CBLIF: variants seen among roughly 807,000 people sequenced by gnomAD.
CBLIF encodes gastric intrinsic factor (vitamin B synthesis).
Under a neutral mutation model 44.9 loss-of-function variants are expected in CBLIF, and 24 were observed. The ratio of observed to expected loss-of-function variants is 0.53; its 90% CI spans 0.39 to 0.75. The LOEUF is 0.75. CBLIF is among the 30% of genes least tolerant of loss of function. The pLI is 0.00. For missense variants in CBLIF, 481 were observed against 513.0 expected, an observed-to-expected ratio of 0.94 and a Z score of 0.60; for synonymous variants, 183 against 190.9, an observed-to-expected ratio of 0.96 and a Z score of 0.34.
intron 7 of CBLIF, among the ~76,000 whole-genome samples, chr11:59,834,240 T>TTTTCTTTC (rs57364350): frequency 4.3e-4 from 49 of 115,238 alleles, no homozygotes; most frequent in African/African-American, 9.4e-4. Context: ...CTTTCTTTCT[T>TTTTCTTTC]TTTCTTTCTT....
chr11:59,841,095 C>T (rs1436903484), intron 5 of CBLIF, 48 bp downstream of exon 5: 4 of 1,383,818 alleles, frequency 2.9e-6, no homozygotes, highest in African/African-American at 2.8e-5. Context: ...TTCTGCAATC[C>T]AGGCTTATTG....
chr11:59,837,390 GGCA>G, intron 5 of CBLIF, 39 bp from the exon 6 acceptor site: 2 of 1,494,122 alleles, frequency 1.3e-6, no homozygotes, highest in Non-Finnish European at 9.3e-7. Context: ...AGAGTAATTA[GGCA>G]TAGCTGAGAG....
At chr11:59,836,087 A>G in intron 6 of CBLIF, 78 bp from the exon 7 acceptor site, 1 of 1,069,918 alleles carries the variant, frequency 9.3e-7, no homozygotes, top group East Asian at 2.4e-5. Context: ...GTTATTGGCA[A>G]CTTACCCCAG....
rs968112929 is a variant in CBLIF, at chr11:59,829,370, C to T, written c.*114G>A. 5 of 729,926 alleles carry T rather than the reference C, an allele frequency of 6.9e-6. No individual in the cohort carries two copies. Among genetic ancestry groups the T allele is most frequent in the Middle Eastern group, 2.5e-4 (1 of 3,982 alleles). The allele number at this position is 729,926 out of a possible 1,614,324, so 45.2% of individuals were successfully genotyped here. On this transcript the variant is annotated 3_prime_UTR_variant, in exon 9 of 9. Coordinates refer to ENST00000257248, the MANE Select transcript of CBLIF (RefSeq NM_005142.3). ...ACATAGTGGTTCTCCATGTTTTTAC[C>T]AGGAATATGGTAGCATCACAGGCAT...
chr11:59,835,621 A>G (rs1378304953), intron 7 of CBLIF, among the ~76,000 whole-genome samples, 187 bp downstream of exon 7: 2 of 152,202 alleles, frequency 1.3e-5, no homozygotes, highest in Non-Finnish European at 2.9e-5. Context: ...AAACTTCATC[A>G]TATGTTGACT....
chr11:59,842,592 G>A lies in CBLIF; in HGVS notation c.371-9C>T, dbSNP rs755329148. 6.2e-7 allele frequency: 1 copy of A among 1,613,240 alleles called. No homozygotes were observed. The highest frequency in any genetic ancestry group is 8.5e-7 in the Non-Finnish European group (1 of 1,179,376). The stretch of plus-strand genomic sequence containing the variant: ...TGCTTCAGCGTTGGGGCCTCCGAAG[G>A]GGATAGAGAACCTTCATCAGACTCA... On this transcript the variant is annotated splice_polypyrimidine_tract_variant and intron_variant, in intron 3 of 8. Transcript: ENST00000257248.
At chr11:59,834,311 T>TCTTCCTTCCTTCCTTCCTTC (rs1214089354) in intron 7 of CBLIF, among the ~76,000 whole-genome samples, 19 of 35,570 alleles carry the variant, frequency 5.3e-4, no homozygotes, top group African/African-American at 1.7e-3. Flanking sequence ...TTTCTTTCTT[T>TCTTCCTTCCTTCCTTCCTTC]CTTCCTTCCT....
intron 4 of CBLIF, among the ~76,000 whole-genome samples, chr11:59,841,943 A>G (rs184706618): frequency 4.6e-5 from 7 of 152,300 alleles, no homozygotes; most frequent in Admixed American, 4.6e-4. Flanking sequence ...TGCTTGCAGA[A>G]CAAAGACGCA....
intron 4 of CBLIF, among the ~76,000 whole-genome samples, chr11:59,841,928 C>A (rs1866535491): frequency 1.3e-5 from 2 of 152,178 alleles, no homozygotes; most frequent in South Asian, 4.2e-4. Context: ...TCACAAGCAG[C>A]CATATGCTTG....
rs371498277 is a variant in CBLIF at position 59,831,871 on chromosome 11, C to G, written c.1074-75G>C. On this transcript the variant is annotated intron_variant, in intron 7 of 8. Coordinates refer to ENST00000257248, the MANE Select transcript of CBLIF (RefSeq NM_005142.3). The stretch of plus-strand genomic sequence containing the variant: ...AAGCGGTAAGATGAAGGGATAGAGA[C>G]AGTCAATTAATTAATTAGTTAATTA... The G allele has an allele frequency of 1.1e-3, 881 of 776,540 alleles. 8 individuals carry two copies. The African/African-American group carries it at 0.013, about 12-fold the overall frequency. The allele number at this position is 776,540 out of a possible 1,614,324, so 48.1% of individuals were successfully genotyped here.
rs764280711 is a variant in CBLIF at position 59,841,134 on chromosome 11, C to T, written c.693+9G>A. On this transcript the variant is annotated intron_variant, in intron 5 of 8. Transcript: ENST00000257248. The stretch of plus-strand genomic sequence containing the variant: ...GGAACCCAACCAAGAGCATCCAGCA[C>T]GTGTTTACCTGCATGGCGAGGCCAG... 8.1e-6 allele frequency: 13 copies of T among 1,601,534 alleles called. No individual in the cohort carries two copies. Among genetic ancestry groups the T allele is most frequent in the Middle Eastern group, 1.7e-4 (1 of 6,034 alleles).
At chr11:59,842,637 AT>A in intron 3 of CBLIF, 54 bp from the exon 4 acceptor site, 1 of 1,574,800 alleles carries the variant, frequency 6.4e-7, no homozygotes, top group South Asian at 1.1e-5. Context: ...CGATGAGGAC[AT>A]TTGCAAAGAA....
intron 4 of CBLIF, 94 bp from the exon 5 acceptor site, chr11:59,841,418 A>C: frequency 1.1e-6 from 1 of 906,806 alleles, no homozygotes; most frequent in Non-Finnish European, 1.8e-6. Context: ...TTCTGGCTCC[A>C]TGATTTTATT....
At chr11:59,841,915 T>C (rs1157034486) in intron 4 of CBLIF, among the ~76,000 whole-genome samples, 2 of 152,132 alleles carry the variant, frequency 1.3e-5, no homozygotes, top group African/African-American at 2.4e-5. Flanking sequence ...GAAAAGCTTC[T>C]ATTCACAAGC....
At chr11:59,839,879 TAG>T (rs1008066846) in intron 5 of CBLIF, among the ~76,000 whole-genome samples, 1 of 147,536 alleles carries the variant, frequency 6.8e-6, no homozygotes, top group Non-Finnish European at 1.5e-5. Flanking sequence ...AGGTTATTTT[TAG>T]AGAGTCACAC....
rs1051439067 is a variant in CBLIF, at chr11:59,845,450, C to G, written c.4G>C (p.Ala2Pro). 1 of 1,602,590 alleles carries G rather than the reference C, an allele frequency of 6.2e-7. No individual in the cohort carries two copies. The highest frequency in any genetic ancestry group is 1.3e-5 in the African/African-American group (1 of 74,668). M[A>P]WFALYLLSLL... ...CTCAGGAGGTAGAGGGCAAACCAGG[C>G]CATCTCACTCTCTCGTCTATGTCTC... The change falls in exon 1 of 9, where the codon GCC becomes CCC. Residue 2 changes from alanine to proline, a missense_variant. By Grantham distance (27) the Ala-to-Pro change is conservative. Transcript: ENST00000257248.
chr11:59,831,991 G>A (rs754076660), intron 7 of CBLIF, among the ~76,000 whole-genome samples, 195 bp from the exon 8 acceptor site: 5 of 152,090 alleles, frequency 3.3e-5, no homozygotes, highest in Non-Finnish European at 7.3e-5. Flanking sequence ...GCATCCACCC[G>A]CCAGGATAGA....
intron 6 of CBLIF, among the ~76,000 whole-genome samples, chr11:59,836,835 T>C (rs901538478): frequency 6.6e-6 from 1 of 152,236 alleles, no homozygotes; most frequent in Non-Finnish European, 1.5e-5. Context: ...ATATGCATAG[T>C]GTTTGATGGT....
intron 5 of CBLIF, chr11:59,840,915 A>T: frequency 2.1e-6 from 1 of 486,974 alleles, no homozygotes; most frequent in Non-Finnish European, 3.7e-6. Flanking sequence ...AGAAAGAGAA[A>T]CAAGTTCATA....
Sources: gnomAD v4.1 joint callset for allele counts (sites outside exome capture counted in the v4.1 genomes callset) on GRCh38, gnomAD v4.1.1 for gene constraint, MANE v1.5 for transcripts, NCBI Gene and HGNC (gene_info 2026-07-23, HGNC 2026-07-21) for gene names.